ANKRD22: variants seen among roughly 807,000 people sequenced by gnomAD.
ANKRD22 encodes ankyrin repeat domain-containing protein 22.
ANKRD22 carries 24 observed loss-of-function variants against 25.7 expected under a neutral mutation model. The observed-to-expected ratio is 0.93, with a 90% CI of 0.68 to 1.31. ANKRD22 has a LOEUF of 1.31. Ranked by LOEUF, ANKRD22 falls within the 50% of genes most tolerant of loss-of-function variation. ANKRD22 has a pLI of 0.00. For synonymous variants in ANKRD22, 84 were observed against 84.3 expected, an observed-to-expected ratio of 1.00 and a Z score of 0.02; for missense variants, 214 against 227.1, an observed-to-expected ratio of 0.94 and a Z score of 0.37.
intron 2 of ANKRD22, among the ~76,000 whole-genome samples, chr10:88,829,292 T>C (rs2133072098): frequency 6.6e-6 from 1 of 152,294 alleles, no homozygotes; most frequent in Admixed American, 6.5e-5. Context: ...GTAATTGGAA[T>C]ACCAATCAAA....
Position 88,820,403 on chromosome 10 carries a change from G to T in ANKRD22, c.*2538C>A. On this transcript the variant is annotated 3_prime_UTR_variant, in exon 6 of 6. Transcript: ENST00000371930. ...ATGGGCTCACGTGGATTTCATCTGG[G>T]GTTTGGATGCTCCTCACCGTATGTA... 6.4e-7 allele frequency: 1 copy of T among 1,552,138 alleles called. No individual in the cohort carries two copies. Among genetic ancestry groups the T allele is most frequent in the Middle Eastern group, 1.7e-4 (1 of 5,996 alleles).
At chr10:88,827,584 C>T (rs563912003) in intron 3 of ANKRD22, among the ~76,000 whole-genome samples, 283 of 152,212 alleles carry the variant, frequency 1.9e-3, no homozygotes, top group Non-Finnish European at 2.4e-3. Context: ...AAGAATTCTT[C>T]GAGGATATGA....
In ANKRD22 at chr10:88,831,966, C is replaced by T. The variant is rs768458768; in HGVS notation, c.82G>A (p.Asp28Asn). The T allele has an allele frequency of 3.6e-5, 58 of 1,613,746 alleles. No individual in the cohort carries two copies. In the Admixed American group the frequency reaches 9.2e-4, roughly 26 times the overall value. The change falls in exon 2 of 6, where the codon GAC becomes AAC. Residue 28 changes from aspartate to asparagine, a missense_variant. Physicochemically the swap from Asp to Asn is conservative, Grantham distance 23. Coordinates refer to ENST00000371930, the MANE Select transcript of ANKRD22 (RefSeq NM_144590.3). ...TCTTGAACGTTGGCATAGCTGCTGT[C>T]TTCTTTCACCCACCGCCACACTTGT... ...FGQVWRWVKE[D>N]SSYANVQDGF...
At chr10:88,842,573 G>C (rs1203787396) in intron 1 of ANKRD22, among the ~76,000 whole-genome samples, 1 of 152,138 alleles carries the variant, frequency 6.6e-6, no homozygotes, top group African/African-American at 2.4e-5. Context: ...TAGGGATACA[G>C]AGATGATGAA....
chr10:88,821,204 T>C lies in ANKRD22; in HGVS notation c.*1737A>G, dbSNP rs1843790071. On this transcript the variant is annotated 3_prime_UTR_variant, in exon 6 of 6. Coordinates refer to ENST00000371930, the MANE Select transcript of ANKRD22 (RefSeq NM_144590.3). ...GCTTGTTGCTAGGAGACCTAATGAC[T>C]AAAAATTTCTGGCTCAATTTTCTGC... 1.3e-5 allele frequency among the ~76,000 whole-genome samples: 2 copies of C among 152,238 alleles called. No individual in the cohort carries two copies. The highest frequency in any genetic ancestry group is 2.9e-5 in the Non-Finnish European group (2 of 68,032).
intron 1 of ANKRD22, among the ~76,000 whole-genome samples, chr10:88,848,957 C>A (rs115326429): frequency 5.9e-5 from 9 of 152,118 alleles, no homozygotes; most frequent in African/African-American, 2.2e-4. Flanking sequence ...CTCTGAAAAA[C>A]ATATCCATTG....
Position 88,851,796 on chromosome 10 carries a change from C to G in ANKRD22, c.-189G>C, listed in dbSNP as rs1844107969. The G allele has an allele frequency of 4.9e-6, 3 of 615,640 alleles. No individual in the cohort carries two copies. The African/African-American group carries it at 5.5e-5, about 11-fold the overall frequency. 38.1% of individuals were successfully genotyped at this position (615,640 alleles called of 1,614,324 possible). The stretch of plus-strand genomic sequence containing the variant: ...TTCCAGCAGCTCAGGCAGCAGCACA[C>G]CTTCCAGAGAGCCCAGCCCAATGAA... On this transcript the variant is annotated 5_prime_UTR_variant, in exon 1 of 6. Coordinates refer to ENST00000371930, the MANE Select transcript of ANKRD22 (RefSeq NM_144590.3).
Position 88,831,997 on chromosome 10 carries a change from G to T in ANKRD22, c.51C>A (p.Asp17Glu). 1 of 1,612,976 alleles carries T rather than the reference G, an allele frequency of 6.2e-7. No individual in the cohort carries two copies. Among genetic ancestry groups the T allele is most frequent in the Non-Finnish European group, 8.5e-7 (1 of 1,179,650 alleles). The change falls in exon 2 of 6, where the codon GAC becomes GAA. Residue 17 changes from aspartate to glutamate, a missense_variant. Physicochemically the swap from Asp to Glu is conservative, Grantham distance 45. Coordinates refer to ENST00000371930, the MANE Select transcript of ANKRD22 (RefSeq NM_144590.3). ...TCACCCACCGCCACACTTGTCCAAA[G>T]TCATTCTGATAGGCTGCTTGGCAGA... ...EPICQAAYQN[D>E]FGQVWRWVKE...
At chr10:88,848,196 A>G (rs1476636661) in intron 1 of ANKRD22, among the ~76,000 whole-genome samples, 2 of 147,850 alleles carry the variant, frequency 1.4e-5, no homozygotes, top group Non-Finnish European at 3.0e-5. Context: ...GTATATATGT[A>G]TATATACATA....
At chr10:88,832,700 T>C (rs761670406) in intron 1 of ANKRD22, among the ~76,000 whole-genome samples, 13 of 152,180 alleles carry the variant, frequency 8.5e-5, no homozygotes, top group Admixed American at 3.3e-4. Flanking sequence ...ATACAAATTA[T>C]ATGGTTAACT....
Position 88,828,676 on chromosome 10 carries a change from A to C in ANKRD22, c.214-10T>G. ...AGCAGGTTCTCTCTTTCTAAAAATT[A>C]AGAAAAGGATTCTTTACTAATAAAG... On this transcript the variant is annotated splice_polypyrimidine_tract_variant and intron_variant, in intron 2 of 5. Coordinates refer to ENST00000371930, the MANE Select transcript of ANKRD22 (RefSeq NM_144590.3). 1 of 1,546,500 alleles carries C rather than the reference A, an allele frequency of 6.5e-7. No homozygotes were observed. The highest frequency in any genetic ancestry group is 8.8e-7 in the Non-Finnish European group (1 of 1,134,538).
intron 1 of ANKRD22, among the ~76,000 whole-genome samples, chr10:88,842,369 G>C (rs980642307): frequency 1.3e-5 from 2 of 151,940 alleles, no homozygotes; most frequent in African/African-American, 4.8e-5. Flanking sequence ...TTTATACTCT[G>C]GTCTATCTAA....
At chr10:88,848,586 G>A (rs1418280240) in intron 1 of ANKRD22, among the ~76,000 whole-genome samples, 1 of 152,104 alleles carries the variant, frequency 6.6e-6, no homozygotes, top group Non-Finnish European at 1.5e-5. Flanking sequence ...CATTGTCTCT[G>A]CCTAGCCTTT....
In ANKRD22 at chr10:88,831,853, A is replaced by G. The variant is rs759652210; in HGVS notation, c.195T>C (p.Asn65=). 6.2e-7 allele frequency: 1 copy of G among 1,610,044 alleles called. No homozygotes were observed. The highest frequency in any genetic ancestry group is 1.3e-5 in the African/African-American group (1 of 74,788). Reference sequence around the variant, plus strand: ...ACCTCACCTGGTTTTTGAGGTTGACATTAGCATTTCTTCTTAAAAGGAAGG... The same window carrying G: ...ACCTCACCTGGTTTTTGAGGTTGACGTTAGCATTTCTTCTTAAAAGGAAGG... ...IVSFLLRRNA[N]VNLKNQKERT... is the part of the protein sequence containing the mutation. Residue 65 remains asparagine, a synonymous_variant, in exon 2 of 6, where the codon AAT becomes AAC. Coordinates refer to ENST00000371930, the MANE Select transcript of ANKRD22 (RefSeq NM_144590.3).
chr10:88,828,815 C>A, intron 2 of ANKRD22, 149 bp from the exon 3 acceptor site: 2 of 624,052 alleles, frequency 3.2e-6, no homozygotes, highest in Non-Finnish European at 5.5e-6. Context: ...TTACTGAATG[C>A]GGCTTTCCAT....
intron 3 of ANKRD22, 139 bp downstream of exon 3, chr10:88,828,420 A>T: frequency 1.4e-6 from 1 of 701,436 alleles, no homozygotes; most frequent in East Asian, 2.6e-5. Flanking sequence ...ATGTATGTTG[A>T]ACATGTCAAT....
intron 1 of ANKRD22, among the ~76,000 whole-genome samples, chr10:88,845,071 C>T (rs1278336404): frequency 2.3e-5 from 1 of 44,298 alleles, no homozygotes; most frequent in African/African-American, 1.5e-4. Flanking sequence ...TCTTACAAAA[C>T]TTGAGAAACT....
Position 88,820,672 on chromosome 10 carries a change from T to A in ANKRD22, c.*2269A>T, listed in dbSNP as rs948408480. On this transcript the variant is annotated 3_prime_UTR_variant, in exon 6 of 6. Coordinates refer to ENST00000371930, the MANE Select transcript of ANKRD22 (RefSeq NM_144590.3). The stretch of plus-strand genomic sequence containing the variant: ...TTTTTTCTGTAAATTAAAGTACTTA[T>A]TAGGTAAATAGAGGTTTTGTATGCT... 16 of 654,582 alleles carry A rather than the reference T, an allele frequency of 2.4e-5. No individual in the cohort carries two copies. In the African/African-American group the frequency reaches 2.9e-4, roughly 12 times the overall value. 40.5% of individuals were successfully genotyped at this position (654,582 alleles called of 1,614,324 possible).
chr10:88,833,692 C>T (rs932265591), intron 1 of ANKRD22, among the ~76,000 whole-genome samples: 2 of 152,156 alleles, frequency 1.3e-5, no homozygotes, highest in African/African-American at 4.8e-5. Context: ...CAATTAAAGG[C>T]AAACTTCTGT....
Sources: allele counts gnomAD v4.1 joint callset (sites outside exome capture counted in the v4.1 genomes callset), GRCh38; gene constraint gnomAD v4.1.1; transcripts MANE v1.5; gene names NCBI Gene and HGNC (gene_info 2026-07-23, HGNC 2026-07-21).